ZNF568: variants seen among roughly 807,000 people sequenced by gnomAD.
ZNF568 encodes the protein p53 inhibitor of SCO2 activation.
In ZNF568, 11 loss-of-function variants were observed where a neutral mutation model predicts 18.1. That is an observed-to-expected ratio of 0.61 (90% confidence interval 0.38 to 1.00). The LOEUF is 1.00. ZNF568 is among the 50% of genes least tolerant of loss of function. The pLI, the probability that ZNF568 is intolerant of heterozygous loss-of-function variation, is 0.01. For missense variants in ZNF568, 639 were observed against 768.2 expected (o/e 0.83, Z 1.99); for synonymous variants, 213 against 246.6 (o/e 0.86, Z 1.28).
At chr19:36,981,306 A>G (rs1050168765), downstream of ZNF568, among the ~76,000 whole-genome samples, 7 of 152,122 alleles carry the variant, frequency 4.6e-5, no homozygotes, top group African/African-American at 1.4e-4. Context: ...AGCTGTTCCT[A>G]GGTTTTGGCT....
chr19:36,934,274 G>C (rs2073749629), intron 4 of ZNF568, among the ~76,000 whole-genome samples: 1 of 144,018 alleles, frequency 6.9e-6, no homozygotes, highest in South Asian at 2.2e-4. Context: ...TAGTTACTTT[G>C]GATTTAGTTT....
intron 4 of ZNF568, among the ~76,000 whole-genome samples, chr19:36,995,061 T>C (rs570909283): frequency 1.3e-5 from 2 of 152,328 alleles, no homozygotes; most frequent in South Asian, 4.1e-4. Context: ...GGTATATCTT[T>C]TTCCATTCTT....
intron 6 of ZNF568, among the ~76,000 whole-genome samples, chr19:36,959,924 TG>T (rs1186101323): frequency 6.6e-6 from 1 of 152,106 alleles, no homozygotes; most frequent in African/African-American, 2.4e-5. Flanking sequence ...TTTATCAATT[TG>T]GGTTATCTTT....
Position 36,952,191 on chromosome 19 carries a change from C to A in ZNF568, c.*1103C>A. 7.8e-6 allele frequency: 3 copies of A among 386,396 alleles called. No homozygotes were observed. Among genetic ancestry groups the A allele is most frequent in the Non-Finnish European group, 1.1e-5 (3 of 284,088 alleles). 23.9% of individuals were successfully genotyped at this position (386,396 alleles called of 1,614,324 possible). On this transcript the variant is annotated 3_prime_UTR_variant, in exon 7 of 7. Coordinates refer to ENST00000333987, the MANE Select transcript of ZNF568 (RefSeq NM_198539.4). Reference sequence around the variant, plus strand: ...GATGCAGTGGCACATGCCTGTAATCCCAGCTACTTGGGAGGCTGATAGAAG... The same window carrying A: ...GATGCAGTGGCACATGCCTGTAATCACAGCTACTTGGGAGGCTGATAGAAG...
chr19:36,960,307 C>T (rs768732073), intron 6 of ZNF568, among the ~76,000 whole-genome samples: 2 of 151,066 alleles, frequency 1.3e-5, no homozygotes, highest in Non-Finnish European at 3.0e-5. Context: ...TAGTAGAAAT[C>T]GGGTTTCACC....
At chr19:36,985,595 T>C (rs2074369709) in intron 2 of ZNF568, among the ~76,000 whole-genome samples, 1 of 152,208 alleles carries the variant, frequency 6.6e-6, no homozygotes, top group Non-Finnish European at 1.5e-5. Context: ...CGATCTTGGC[T>C]CACTGCAGCC....
chr19:36,982,166 C>A (rs545596749), downstream of ZNF568, among the ~76,000 whole-genome samples: 4 of 152,052 alleles, frequency 2.6e-5, no homozygotes, highest in African/African-American at 9.6e-5. Flanking sequence ...TCTTTTTTAA[C>A]CTTTATTTTA....
At chr19:36,964,160 T>G (rs2074176436) in intron 6 of ZNF568, among the ~76,000 whole-genome samples, 1 of 144,612 alleles carries the variant, frequency 6.9e-6, no homozygotes, top group African/African-American at 2.6e-5. Context: ...AAGGAAGGAT[T>G]CAAGTCACAT....
intron 6 of ZNF568, among the ~76,000 whole-genome samples, chr19:36,961,276 C>CTTTTTTTTT (rs142769873): frequency 7.6e-6 from 1 of 131,858 alleles, no homozygotes; most frequent in Non-Finnish European, 1.6e-5. Flanking sequence ...CCTTCTTTGT[C>CTTTTTTTTT]TTTTTTTTTT....
In ZNF568 at chr19:36,950,221, T is replaced by TA; in HGVS notation, c.1069dup (p.Thr357AsnfsTer9). 1 of 1,613,770 alleles carries TA rather than the reference T, an allele frequency of 6.2e-7. No individual in the cohort carries two copies. The highest frequency in any genetic ancestry group is 8.5e-7 in the Non-Finnish European group (1 of 1,179,794). On this transcript the variant is annotated frameshift_variant, in exon 7 of 7. Transcript: ENST00000333987. LOFTEE classifies it low-confidence loss of function (END_TRUNC). ...ATCTTATTGAGCACGAGAAAATTCA[T>TA]ACTGGGGAGAAACCTTATGCATGTA...
At chr19:36,993,958 A>G (rs1384178771) in intron 4 of ZNF568, among the ~76,000 whole-genome samples, 1 of 140,304 alleles carries the variant, frequency 7.1e-6, no homozygotes, top group East Asian at 2.1e-4. Flanking sequence ...GTTTTTGTTT[A>G]TTCTTTATTA....
intron 6 of ZNF568, among the ~76,000 whole-genome samples, chr19:36,943,700 G>T (rs1380895149): frequency 6.6e-6 from 1 of 151,848 alleles, no homozygotes; most frequent in Non-Finnish European, 1.5e-5. Flanking sequence ...TCCACCTCCC[G>T]AGTACTGGGA....
At chr19:36,969,288 C>A (rs1373850501) in intron 6 of ZNF568, among the ~76,000 whole-genome samples, 1 of 152,166 alleles carries the variant, frequency 6.6e-6, no homozygotes, top group Non-Finnish European at 1.5e-5. Flanking sequence ...AAAGACCCCA[C>A]TGGAACAGAA....
At position 36,950,991 on chromosome 19, in the gene ZNF568, C is replaced by T. The variant is rs2074052415; in HGVS notation, c.1838C>T (p.Pro613Leu). The T allele has an allele frequency of 6.2e-7, 1 of 1,613,450 alleles. No individual in the cohort carries two copies. ...IHMRSHTGEKPFECNECGKAF... is the reference protein window; with the variant it reads ...IHMRSHTGEKLFECNECGKAF... The stretch of plus-strand genomic sequence containing the variant: ...ATGAGAAGTCATACTGGTGAGAAAC[C>T]CTTTGAATGTAATGAATGTGGGAAA... The change falls in exon 7 of 7, where the codon CCC becomes CTC. Residue 613 changes from proline to leucine, a missense_variant. Coordinates refer to ENST00000333987, the MANE Select transcript of ZNF568 (RefSeq NM_198539.4).
chr19:36,997,797 AG>A (rs758689366), downstream of ZNF568: 1 of 579,168 alleles, frequency 1.7e-6, no homozygotes, highest in Admixed American at 3.1e-5. Flanking sequence ...TATGATTCTA[AG>A]TGTGAGACAC....
At chr19:36,975,530 C>A (rs1238991739) in intron 7 of ZNF568, among the ~76,000 whole-genome samples, 1 of 151,866 alleles carries the variant, frequency 6.6e-6, no homozygotes, top group Non-Finnish European at 1.5e-5. Context: ...GGACTACAGG[C>A]GCATGCCACC....
At chr19:36,985,734 G>A (rs371678865) in intron 2 of ZNF568, among the ~76,000 whole-genome samples, 5 of 152,158 alleles carry the variant, frequency 3.3e-5, no homozygotes, top group South Asian at 2.1e-4. Context: ...GATTGACCAG[G>A]CTGGTCTCGA....
At chr19:36,988,207 A>G (rs751172068) in intron 2 of ZNF568, among the ~76,000 whole-genome samples, 18 of 151,396 alleles carry the variant, frequency 1.2e-4, no homozygotes, top group Admixed American at 4.0e-4. Context: ...TCCCACCTCC[A>G]CCTCCCAAAG....
chr19:36,966,191 C>T (rs2074193353), intron 6 of ZNF568, among the ~76,000 whole-genome samples: 1 of 152,110 alleles, frequency 6.6e-6, no homozygotes, highest in South Asian at 2.1e-4. Flanking sequence ...GTGGCTGAGA[C>T]ACGAGAATCG....
Sources: allele counts gnomAD v4.1 joint callset (sites outside exome capture counted in the v4.1 genomes callset), GRCh38; gene constraint gnomAD v4.1.1; transcripts MANE v1.5; gene names NCBI Gene and HGNC (gene_info 2026-07-23, HGNC 2026-07-21).